The following HTR1F variants were observed in gnomAD, a reference collection of about 807,000 sequenced individuals.
The protein encoded by HTR1F is 5-hydroxytryptamine (serotonin) receptor 1F, G protein-coupled.
A neutral mutation model predicts 24.0 loss-of-function variants in HTR1F; 17 were observed. The observed-to-expected ratio is 0.71, with a 90% CI of 0.48 to 1.06. The LOEUF (loss-of-function observed/expected upper bound fraction) is 1.06. HTR1F is among the 50% of genes least tolerant of loss of function. The pLI is 0.00. For synonymous variants in HTR1F, 186 were observed against 156.8 expected (o/e 1.19, Z -1.39); for missense variants, 391 against 427.8 (o/e 0.91, Z 0.76).
intron 2 of HTR1F, among the ~76,000 whole-genome samples, chr3:87,903,231 T>C (rs1406182779): frequency 1.3e-5 from 2 of 150,186 alleles, no homozygotes; most frequent in South Asian, 2.1e-4. Flanking sequence ...ACTTCATGTC[T>C]AAAACACCAA....
intron 2 of HTR1F, among the ~76,000 whole-genome samples, chr3:87,935,645 T>G (rs1272696175): frequency 6.6e-6 from 1 of 152,230 alleles, no homozygotes; most frequent in East Asian, 1.9e-4. Flanking sequence ...AATTTAAAGT[T>G]GAGAATAATC....
chr3:87,939,366 T>C (rs1441691029), intron 2 of HTR1F, among the ~76,000 whole-genome samples: 1 of 152,248 alleles, frequency 6.6e-6, no homozygotes, highest in Non-Finnish European at 1.5e-5. Flanking sequence ...CAGGTTTTGA[T>C]ATCAGGACGA....
intron 2 of HTR1F, among the ~76,000 whole-genome samples, chr3:87,864,941 CT>C (rs2107238274): frequency 6.7e-6 from 1 of 150,372 alleles, no homozygotes; most frequent in Non-Finnish European, 1.5e-5. Context: ...AGCAATATAT[CT>C]GGAAAACTCA....
At chr3:87,956,034 A>G (rs1380674452) in intron 2 of HTR1F, among the ~76,000 whole-genome samples, 1 of 151,380 alleles carries the variant, frequency 6.6e-6, no homozygotes, top group South Asian at 2.1e-4. Flanking sequence ...TTTTTTAGAA[A>G]TCAGAAGCTT....
chr3:87,857,244 A>G (rs1705217643), intron 2 of HTR1F, among the ~76,000 whole-genome samples: 1 of 152,036 alleles, frequency 6.6e-6, no homozygotes, highest in Admixed American at 6.6e-5. Context: ...ATATTTTCCA[A>G]TTAAGAGAAA....
intron 2 of HTR1F, among the ~76,000 whole-genome samples, chr3:87,920,546 C>T (rs115882399): frequency 6.6e-6 from 1 of 151,824 alleles, no homozygotes; most frequent in African/African-American, 2.4e-5. Flanking sequence ...AATCATGACA[C>T]GTAAAACAGT....
intron 1 of HTR1F, among the ~76,000 whole-genome samples, chr3:87,816,303 T>G (rs1284106183): frequency 6.6e-6 from 1 of 152,144 alleles, no homozygotes; most frequent in Non-Finnish European, 1.5e-5. Context: ...TCTATAGCAA[T>G]GCTCTTCTGA....
chr3:87,820,359 G>A (rs1704335061), intron 1 of HTR1F, among the ~76,000 whole-genome samples: 1 of 151,466 alleles, frequency 6.6e-6, no homozygotes, highest in Non-Finnish European at 1.5e-5. Flanking sequence ...TGTATTTTTA[G>A]TAGAGACGGG....
chr3:87,888,450 T>A (rs1309074709), intron 2 of HTR1F, among the ~76,000 whole-genome samples: 1 of 152,048 alleles, frequency 6.6e-6, no homozygotes, highest in East Asian at 1.9e-4. Flanking sequence ...ACATGTACCC[T>A]AGAACTTAAA....
chr3:87,902,954 C>A (rs1465915780), intron 2 of HTR1F, among the ~76,000 whole-genome samples: 28 of 151,410 alleles, frequency 1.8e-4, no homozygotes, highest in Admixed American at 1.8e-3. Flanking sequence ...AGAACAGAGC[C>A]CTCAGAAATA....
At chr3:87,972,842 G>C (rs1705313865) in intron 2 of HTR1F, among the ~76,000 whole-genome samples, 1 of 144,612 alleles carries the variant, frequency 6.9e-6, no homozygotes, top group African/African-American at 2.5e-5. Flanking sequence ...CATTTTTTTG[G>C]CTAGAGTCTC....
chr3:87,935,377 C>G lies in HTR1F; in HGVS notation c.-42-55331C>G, dbSNP rs1704387094. On this transcript the variant is annotated intron_variant, in intron 2 of 2. Transcript: ENST00000319595. ...CTGCTCTTTAAGAGTCAATTTCACTCTTCTTTCCTCTCAAAGGAGAGCAGG... is the reference window on the plus strand; with the variant it reads ...CTGCTCTTTAAGAGTCAATTTCACTGTTCTTTCCTCTCAAAGGAGAGCAGG... Among the ~76,000 whole-genome samples, 3 of 152,174 alleles carry G rather than the reference C, an allele frequency of 2.0e-5. No individual in the cohort carries two copies. The South Asian group carries it at 6.2e-4, about 32-fold the overall frequency.
intron 2 of HTR1F, among the ~76,000 whole-genome samples, chr3:87,968,816 TC>T (rs1357058907): frequency 6.6e-6 from 1 of 152,178 alleles, no homozygotes; most frequent in Non-Finnish European, 1.5e-5. Flanking sequence ...TGGAAGCCCC[TC>T]CCTTCACAGG....
chr3:87,947,015 G>C (rs556392864), intron 2 of HTR1F, among the ~76,000 whole-genome samples: 2 of 152,146 alleles, frequency 1.3e-5, no homozygotes, highest in African/African-American at 2.4e-5. Flanking sequence ...TTATTTAATC[G>C]TTGTGTTGAA....
chr3:87,976,414 C>T (rs1307753162), intron 2 of HTR1F, among the ~76,000 whole-genome samples: 1 of 152,020 alleles, frequency 6.6e-6, no homozygotes, highest in Admixed American at 6.6e-5. Context: ...AGCTGGACAC[C>T]ATGGCACACA....
intron 2 of HTR1F, among the ~76,000 whole-genome samples, chr3:87,978,048 C>T (rs1441818158): frequency 2.6e-5 from 4 of 152,164 alleles, no homozygotes; most frequent in Non-Finnish European, 5.9e-5. Flanking sequence ...TGCACACAGC[C>T]AGGCAAGCTG....
At chr3:87,911,316 C>T (rs534882068) in intron 2 of HTR1F, among the ~76,000 whole-genome samples, 1 of 151,950 alleles carries the variant, frequency 6.6e-6, no homozygotes, top group Non-Finnish European at 1.5e-5. Flanking sequence ...TACAAACAAC[C>T]ATCAGAGACT....
intron 2 of HTR1F, among the ~76,000 whole-genome samples, chr3:87,970,839 T>A (rs1243107452): frequency 2.0e-5 from 3 of 152,238 alleles, no homozygotes; most frequent in African/African-American, 7.2e-5. Flanking sequence ...AATCCAACAA[T>A]GTTTCTTTTC....
intron 2 of HTR1F, 127 bp from the exon 3 acceptor site, chr3:87,990,581 C>T (rs1705798211): frequency 1.9e-6 from 1 of 534,988 alleles, no homozygotes; most frequent in East Asian, 3.0e-5. Context: ...TCAATCTGAA[C>T]CTCATTTTTT....
Sources: allele counts gnomAD v4.1 joint callset (sites outside exome capture counted in the v4.1 genomes callset), GRCh38; gene constraint gnomAD v4.1.1; transcripts MANE v1.5; gene names NCBI Gene and HGNC (gene_info 2026-07-23, HGNC 2026-07-21).